The following GRIP1 variants were observed in gnomAD, a reference collection of about 807,000 sequenced individuals.
The protein encoded by GRIP1 is glutamate receptor-interacting protein 1.
A neutral mutation model predicts 129.9 loss-of-function variants in GRIP1; 45 were observed. The observed-to-expected ratio is 0.35, with a 90% CI of 0.27 to 0.44. The LOEUF (loss-of-function observed/expected upper bound fraction) is 0.44. Ranked by LOEUF, GRIP1 falls within the 20% of genes least tolerant of loss-of-function variation. The pLI is 1.00. For synonymous variants in GRIP1, 530 were observed against 520.8 expected (o/e 1.02, Z -0.24); for missense variants, 1,196 against 1,396.8 (o/e 0.86, Z 2.29).
chr12:66,471,081 G>A (rs2059426640), intron 7 of GRIP1, among the ~76,000 whole-genome samples: 1 of 152,204 alleles, frequency 6.6e-6, no homozygotes, highest in Non-Finnish European at 1.5e-5. Flanking sequence ...AGGCTTGAGA[G>A]CCCATAGTGT....
At chr12:66,351,426 G>T (rs957190912) in intron 24 of GRIP1, among the ~76,000 whole-genome samples, 1 of 152,082 alleles carries the variant, frequency 6.6e-6, no homozygotes, top group African/African-American at 2.4e-5. Flanking sequence ...CAGCTTTTTG[G>T]TTTCAGATAT....
At chr12:66,416,947 A>G (rs929754322) in intron 15 of GRIP1, among the ~76,000 whole-genome samples, 2 of 152,034 alleles carry the variant, frequency 1.3e-5, no homozygotes, top group South Asian at 4.1e-4. Flanking sequence ...ACAAAGACAC[A>G]CACACACACA....
rs558395525 is a variant in GRIP1 at position 66,448,708 on chromosome 12, C to G, written c.1355-3200G>C. ...GTGAATTTTCTTCCCTTTCTTATTGCCACTACTACAGAGCAAGGCCTCATC... is the reference window on the plus strand; with the variant it reads ...GTGAATTTTCTTCCCTTTCTTATTGGCACTACTACAGAGCAAGGCCTCATC... On this transcript the variant is annotated intron_variant, in intron 11 of 24. Coordinates refer to ENST00000359742, the MANE Select transcript of GRIP1 (RefSeq NM_001366722.1). Among the ~76,000 whole-genome samples, 3 of 152,254 alleles carry G rather than the reference C, an allele frequency of 2.0e-5. No homozygotes were observed. In the South Asian group the frequency reaches 6.2e-4, roughly 32 times the overall value.
chr12:67,056,873 T>A lies in GRIP1; in HGVS notation c.58+12177A>T, dbSNP rs542216653. On this transcript the variant is annotated intron_variant, in intron 1 of 1. Transcript: ENST00000643019. The stretch of plus-strand genomic sequence containing the variant: ...TCACCAAGGCTGGGGTGCAATGGCA[T>A]GTTCTCGGCTCACTGCAACCTCCGC... Among the ~76,000 whole-genome samples, 236 of 152,260 alleles carry A rather than the reference T, an allele frequency of 1.5e-3. 2 individuals carry two copies. Among genetic ancestry groups the A allele is most frequent in the Non-Finnish European group, 2.0e-3 (134 of 68,010 alleles).
intron 19 of GRIP1, among the ~76,000 whole-genome samples, chr12:66,391,806 G>C (rs2056599321): frequency 6.6e-6 from 1 of 152,092 alleles, no homozygotes; most frequent in African/African-American, 2.4e-5. Context: ...AACTATGATG[G>C]TGCCAGGGTA....
At chr12:66,796,986 G>A (rs1168418555) in intron 1 of GRIP1, among the ~76,000 whole-genome samples, 2 of 152,068 alleles carry the variant, frequency 1.3e-5, no homozygotes, top group South Asian at 2.1e-4. Context: ...ACTTGCTGAC[G>A]TTTAGTTTAA....
At chr12:66,825,791 G>A (rs933474857) in intron 1 of GRIP1, among the ~76,000 whole-genome samples, 1 of 152,182 alleles carries the variant, frequency 6.6e-6, no homozygotes, top group South Asian at 2.1e-4. Context: ...ATTTTAAAAT[G>A]CTGAATGCAT....
intron 1 of GRIP1, among the ~76,000 whole-genome samples, chr12:67,005,648 C>T (rs914230418): frequency 6.6e-6 from 1 of 152,204 alleles, no homozygotes; most frequent in African/African-American, 2.4e-5. Context: ...TTGCACTTGT[C>T]GTTGCTGAGT....
chr12:66,468,534 T>G (rs1037703221), intron 7 of GRIP1, among the ~76,000 whole-genome samples: 9 of 152,190 alleles, frequency 5.9e-5, no homozygotes, highest in African/African-American at 1.9e-4. Context: ...AGATGTAAAT[T>G]TTATAAAACT....
intron 1 of GRIP1, among the ~76,000 whole-genome samples, chr12:66,633,790 A>C (rs942683658): frequency 1.3e-5 from 2 of 152,228 alleles, no homozygotes; most frequent in African/African-American, 4.8e-5. Context: ...GCCACAGCCT[A>C]AGCAATTTCT....
intron 1 of GRIP1, among the ~76,000 whole-genome samples, chr12:66,983,190 A>T (rs914170405): frequency 6.6e-6 from 1 of 152,220 alleles, no homozygotes; most frequent in African/African-American, 2.4e-5. Flanking sequence ...GTTACAAAAG[A>T]AAAAGAAACA....
chr12:66,457,784 G>A (rs1293238961), intron 9 of GRIP1, among the ~76,000 whole-genome samples: 1 of 152,118 alleles, frequency 6.6e-6, no homozygotes, highest in Non-Finnish European at 1.5e-5. Context: ...ATCACTGCGG[G>A]GTGAAGCAGA....
intron 1 of GRIP1, among the ~76,000 whole-genome samples, chr12:66,821,198 A>G (rs2039311152): frequency 6.6e-6 from 1 of 152,226 alleles, no homozygotes; most frequent in Non-Finnish European, 1.5e-5. Context: ...AAGAAAAAAA[A>G]TCAACCTAGC....
chr12:66,821,504 G>A (rs183326797), intron 1 of GRIP1, among the ~76,000 whole-genome samples: 54 of 152,182 alleles, frequency 3.5e-4, no homozygotes, highest in Admixed American at 3.5e-3. Context: ...TACTTCTTTA[G>A]ATTTCTAGCT....
intron 1 of GRIP1, among the ~76,000 whole-genome samples, chr12:66,984,975 A>T (rs2042290493): frequency 6.6e-6 from 1 of 152,176 alleles, no homozygotes; most frequent in Non-Finnish European, 1.5e-5. Flanking sequence ...GCTAAAAGAC[A>T]GTGGGGAAAG....
intron 1 of GRIP1, among the ~76,000 whole-genome samples, chr12:66,906,665 G>A (rs899906951): frequency 1.3e-5 from 2 of 152,106 alleles, no homozygotes; most frequent in Admixed American, 6.5e-5. Context: ...ACCAGAACGG[G>A]AAGGCACAAA....
intron 1 of GRIP1, among the ~76,000 whole-genome samples, chr12:66,881,311 T>C (rs186809157): frequency 6.6e-6 from 1 of 152,268 alleles, no homozygotes; most frequent in East Asian, 1.9e-4. Flanking sequence ...AGATGCGATG[T>C]GAGGTTCACA....
At chr12:66,918,897 A>G (rs1228346138) in intron 1 of GRIP1, among the ~76,000 whole-genome samples, 1 of 152,238 alleles carries the variant, frequency 6.6e-6, no homozygotes, top group East Asian at 1.9e-4. Flanking sequence ...TGAAAAAATT[A>G]TATTTTCATT....
intron 1 of GRIP1, among the ~76,000 whole-genome samples, chr12:66,936,377 G>GATCA (rs2041484435): frequency 7.1e-6 from 1 of 141,074 alleles, no homozygotes; most frequent in African/African-American, 2.7e-5. Flanking sequence ...AGTGAGCCAT[G>GATCA]ATCATACCAC....
Sources: allele counts gnomAD v4.1 joint callset (sites outside exome capture counted in the v4.1 genomes callset), GRCh38; gene constraint gnomAD v4.1.1; transcripts MANE v1.5; gene names NCBI Gene and HGNC (gene_info 2026-07-23, HGNC 2026-07-21).